The following C9orf78 variants were observed in gnomAD, a reference collection of about 807,000 sequenced individuals.
C9orf78 encodes chromosome 9 open reading frame 78.
Under a neutral mutation model 37.4 loss-of-function variants are expected in C9orf78, and 19 were observed. The observed-to-expected ratio is 0.51, with a 90% CI of 0.35 to 0.74. The LOEUF is 0.74. C9orf78 is among the 30% of genes least tolerant of loss of function. C9orf78 has a pLI of 0.01. For synonymous variants in C9orf78, 130 were observed against 128.0 expected, an observed-to-expected ratio of 1.02 and a Z score of -0.10; for missense variants, 291 against 370.8, an observed-to-expected ratio of 0.78 and a Z score of 1.77.
chr9:129,827,483 A>C lies in C9orf78; in HGVS notation c.*678T>G, dbSNP rs1353747230. Reference sequence around the variant, plus strand: ...TCCCAGACACGTGAAAGCAGAAGACATGATGCATCTATAATAATGAAAGCA... The same window carrying C: ...TCCCAGACACGTGAAAGCAGAAGACCTGATGCATCTATAATAATGAAAGCA... On this transcript the variant is annotated 3_prime_UTR_variant, in exon 9 of 9. Transcript: ENST00000372447. 1 of 152,206 alleles carries C rather than the reference A, an allele frequency of 6.6e-6. No individual in the cohort carries two copies. The highest frequency in any genetic ancestry group is 1.5e-5 in the Non-Finnish European group (1 of 68,034). The allele number at this position is 152,206 out of a possible 1,614,324, so 9.4% of individuals were successfully genotyped here.
In C9orf78 at chr9:129,833,523, G is replaced by C. The variant is rs1039041747; in HGVS notation, c.196-6C>G. Reference sequence around the variant, plus strand: ...TTCATCTGAAAGGGATCATCCTGCAGAAAGCAAACACAGTTAAGAGGAAGC... The same window carrying C: ...TTCATCTGAAAGGGATCATCCTGCACAAAGCAAACACAGTTAAGAGGAAGC... On this transcript the variant is annotated splice_polypyrimidine_tract_variant and splice_region_variant and intron_variant, in intron 3 of 8. Transcript: ENST00000372447. 1.9e-6 allele frequency: 3 copies of C among 1,595,978 alleles called. No homozygotes were observed. The highest frequency in any genetic ancestry group is 8.6e-7 in the Non-Finnish European group (1 of 1,163,570).
chr9:129,832,522 T>C (rs1471604273), intron 4 of C9orf78, among the ~76,000 whole-genome samples: 1 of 152,170 alleles, frequency 6.6e-6, no homozygotes, highest in Non-Finnish European at 1.5e-5. Context: ...CACTGCAACC[T>C]CTGCCTCCCG....
chr9:129,831,138 G>A (rs1588223447), intron 5 of C9orf78, 70 bp from the exon 6 acceptor site: 2 of 941,444 alleles, frequency 2.1e-6, no homozygotes, highest in South Asian at 2.6e-5. Context: ...TAAATCAGTG[G>A]TCCCCAACAC....
chr9:129,831,648 T>C, intron 5 of C9orf78: 1 of 426,946 alleles, frequency 2.3e-6, no homozygotes, highest in Non-Finnish European at 4.3e-6. Flanking sequence ...GGTCTCGAAC[T>C]CCCCACCTCA....
At position 129,828,195 on chromosome 9, in the gene C9orf78, T is replaced by G; in HGVS notation, c.836A>C (p.Tyr279Ser). Residue 279 changes from tyrosine (Y) to serine (S), a missense_variant, in exon 9 of 9, where the codon TAT (tyrosine) becomes TCT (serine). Transcript: ENST00000372447. ...ANEKATDDYH[Y>S]EKFKKMNRRY ...CCTATTCATTTTCTTGAACTTCTCATAATGATAGTCATCAGTTGCCTTCTC... is the reference window on the plus strand; with the variant it reads ...CCTATTCATTTTCTTGAACTTCTCAGAATGATAGTCATCAGTTGCCTTCTC... 2.5e-6 allele frequency: 4 copies of G among 1,606,646 alleles called. No individual in the cohort carries two copies. The highest frequency in any genetic ancestry group is 3.4e-6 in the Non-Finnish European group (4 of 1,174,042).
rs765061525 is a variant in C9orf78, at chr9:129,835,246, C to T, written c.-25G>A. ...TGGTGACAACGGCCGAGTTGTACAG[C>T]CGCCGCGCCTCTGCGCAGCGGCCCA... On this transcript the variant is annotated 5_prime_UTR_variant, in exon 1 of 9. Transcript: ENST00000372447. The T allele has an allele frequency of 1.3e-6, 2 of 1,568,146 alleles. No individual in the cohort carries two copies. Among genetic ancestry groups the T allele is most frequent in the African/African-American group, 1.4e-5 (1 of 73,178 alleles).
chr9:129,835,026 G>A (rs1209043213), intron 1 of C9orf78, 113 bp downstream of exon 1: 1 of 909,450 alleles, frequency 1.1e-6, no homozygotes, highest in Non-Finnish European at 1.8e-6. Context: ...TCCGCAGAAG[G>A]AACCACCACC....
chr9:129,833,048 T>C (rs35636743), intron 4 of C9orf78, among the ~76,000 whole-genome samples: 23,533 of 146,888 alleles, frequency 0.16, 2,269 homozygotes, highest in Non-Finnish European at 0.21. Flanking sequence ...TATATACATA[T>C]GTGTATATGT....
At chr9:129,834,967 C>G in intron 1 of C9orf78, 172 bp downstream of exon 1, 3 of 681,766 alleles carry the variant, frequency 4.4e-6, no homozygotes, top group South Asian at 3.5e-5. Flanking sequence ...CTCTCTCAAC[C>G]GTTCGAGCTT....
intron 4 of C9orf78, among the ~76,000 whole-genome samples, chr9:129,832,827 T>C (rs1052211853): frequency 7.9e-5 from 12 of 152,246 alleles, no homozygotes; most frequent in Admixed American, 2.6e-4. Flanking sequence ...TCTTTCTCTG[T>C]CACCCAGGCT....
intron 5 of C9orf78, 31 bp downstream of exon 5, chr9:129,831,865 A>G: frequency 2.6e-6 from 3 of 1,145,544 alleles, no homozygotes; most frequent in Non-Finnish European, 4.0e-6. Flanking sequence ...TCCAGCCCCA[A>G]CTGCTCACAG....
chr9:129,834,433 G>C, intron 2 of C9orf78: 1 of 428,668 alleles, frequency 2.3e-6, no homozygotes, highest in Non-Finnish European at 4.1e-6. Flanking sequence ...AACTCTTAAC[G>C]ATCGATATGC....
chr9:129,833,241 A>T (rs960604976), intron 4 of C9orf78, among the ~76,000 whole-genome samples: 2 of 151,830 alleles, frequency 1.3e-5, no homozygotes, highest in South Asian at 4.2e-4. Context: ...ACACTCTTAC[A>T]AAAGGAGTCT....
intron 5 of C9orf78, chr9:129,831,482 T>C (rs539631962): frequency 4.1e-6 from 1 of 246,620 alleles, no homozygotes; most frequent in Non-Finnish European, 8.0e-6. Context: ...TGGAGTGCAA[T>C]GGCGAGATCT....
At chr9:129,833,621 G>T in intron 3 of C9orf78, 37 bp downstream of exon 3, 1 of 1,526,172 alleles carries the variant, frequency 6.6e-7, no homozygotes, top group Non-Finnish European at 9.1e-7. Flanking sequence ...TGCAGGGAGG[G>T]CTGCCATAAC....
In C9orf78 at chr9:129,833,662, AG is replaced by A; in HGVS notation, c.190del (p.Leu64Ter). 1 of 1,606,910 alleles carries A rather than the reference AG, an allele frequency of 6.2e-7. No homozygotes were observed. Among genetic ancestry groups the A allele is most frequent in the Non-Finnish European group, 8.5e-7 (1 of 1,173,702 alleles). ...AGGGAAGACCCCATAACTTACCACTAGAGTGGTCTCCTCTTGTACCTTCTCT... is the reference window on the plus strand; with the variant it reads ...AGGGAAGACCCCATAACTTACCACTAAGTGGTCTCCTCTTGTACCTTCTCT... Reference protein sequence around the residue: ...VGEKVQEETTLVDDPFQMKTG... With the variant: ...VGEKVQEETTXVDDPFQMKTG... On this transcript the variant is annotated frameshift_variant, in exon 3 of 9. Transcript: ENST00000372447. LOFTEE classifies it high-confidence loss of function.
rs1379777401 is a variant in C9orf78 at position 129,827,793 on chromosome 9, T to C, written c.*368A>G. The stretch of plus-strand genomic sequence containing the variant: ...GCCATTTTTCTTTTTCTTTTTTTTT[T>C]TTTTTTTTTTTTTTGAGACAGAGTT... On this transcript the variant is annotated 3_prime_UTR_variant, in exon 9 of 9. Transcript: ENST00000372447. The C allele has an allele frequency of 7.3e-5, 11 of 150,996 alleles. No individual in the cohort carries two copies. The East Asian group carries it at 7.7e-4, about 11-fold the overall frequency. The allele number at this position is 150,996 out of a possible 1,614,324, so 9.4% of individuals were successfully genotyped here.
intron 6 of C9orf78, 153 bp downstream of exon 6, chr9:129,830,718 G>A: frequency 1.6e-6 from 1 of 625,200 alleles, no homozygotes; most frequent in Non-Finnish European, 2.9e-6. Flanking sequence ...GACCATCTTG[G>A]CCGGGCTGGT....
At chr9:129,828,411 C>CT (rs58939598) in intron 8 of C9orf78, 159 bp from the exon 9 acceptor site, 238,668 of 392,016 alleles carry the variant, frequency 0.61, 56,030 homozygotes, top group African/African-American at 0.73. Context: ...ACGTATTTGT[C>CT]TTTTTTTTTT....
Sources: gnomAD v4.1 joint callset for allele counts (sites outside exome capture counted in the v4.1 genomes callset) on GRCh38, gnomAD v4.1.1 for gene constraint, MANE v1.5 for transcripts, NCBI Gene and HGNC (gene_info 2026-07-23, HGNC 2026-07-21) for gene names.